Variants in PROM2 observed in about 807,000 individuals in gnomAD.
PROM2 encodes the protein prominin-2.
A neutral mutation model predicts 110.2 loss-of-function variants in PROM2; 90 were observed. That is an observed-to-expected ratio of 0.82 (90% CI 0.69 to 0.97). The LOEUF (loss-of-function observed/expected upper bound fraction) is 0.97. Ranked by LOEUF, PROM2 falls within the 50% of genes least tolerant of loss-of-function variation. PROM2 has a pLI of 0.00. For synonymous variants in PROM2, 470 were observed against 467.8 expected, an observed-to-expected ratio of 1.00 and a Z score of -0.06; for missense variants, 1,009 against 1,074.8, an observed-to-expected ratio of 0.94 and a Z score of 0.86.
rs888948368 is a variant in PROM2 at position 95,277,530 on chromosome 2, G to A, written c.939G>A (p.Trp313Ter). 5.6e-6 allele frequency: 9 copies of A among 1,599,746 alleles called. No individual in the cohort carries two copies. Among genetic ancestry groups the A allele is most frequent in the Non-Finnish European group, 7.7e-6 (9 of 1,173,378 alleles). The change falls in exon 7 of 24, where the codon TGG becomes TGA. Residue 313 changes from tryptophan to a stop codon, truncating the protein, a stop_gained. Coordinates refer to ENST00000317620, the MANE Select transcript of PROM2 (RefSeq NM_001165978.3). LOFTEE classifies it high-confidence loss of function. ...CQGDCAGALS[W>*]ARTLELGADF... is the part of the protein sequence containing the mutation. The stretch of plus-strand genomic sequence containing the variant: ...GAGATTGTGCAGGGGCCCTGAGCTG[G>A]GCCCGCACCCTGGAGCTGGGTGCTG...
Position 95,274,755 on chromosome 2 carries a change from C to G in PROM2, c.170C>G (p.Pro57Arg), listed in dbSNP as rs1473172248. The G allele has an allele frequency of 5.6e-6, 9 of 1,611,778 alleles. No individual in the cohort carries two copies. The highest frequency in any genetic ancestry group is 6.8e-6 in the Non-Finnish European group (8 of 1,179,852). Residue 57 changes from proline to arginine, a missense_variant, in exon 1 of 24, where the codon CCA (proline) becomes CGA (arginine). Transcript: ENST00000317620. ...TGGCTGGCCCCTCGAGTTCGTGCGC[C>G]AGGACTCCTGGACTCCCTCTATGGC... is the stretch of plus-strand genomic sequence containing the variant. ...ARWLAPRVRA[P>R]GLLDSLYGTV...
At chr2:95,280,190 G>A (rs1277852438) in intron 11 of PROM2, among the ~76,000 whole-genome samples, 193 bp downstream of exon 11, 1 of 152,098 alleles carries the variant, frequency 6.6e-6, no homozygotes, top group Non-Finnish European at 1.5e-5. Flanking sequence ...CACCTAATGG[G>A]CACTCCTTAC....
chr2:95,276,236 G>A lies in PROM2; in HGVS notation c.507G>A (p.Val169=). ...CCCTCCATTCCCACAGGATTGGTGTGGTCTGTGCCTTTGTCACCAACCAGC... is the reference window on the plus strand; with the variant it reads ...CCCTCCATTCCCACAGGATTGGTGTAGTCTGTGCCTTTGTCACCAACCAGC... ...LLTTLLLLIG[V]VCAFVTNQRT... Residue 169 remains valine (V), a synonymous_variant, in exon 4 of 24, where the codon GTG becomes GTA. Coordinates refer to ENST00000317620, the MANE Select transcript of PROM2 (RefSeq NM_001165978.3). This position sits in a 1 kb window ranked among gnomAD's most constrained non-coding sequence, Gnocchi z 4.6. The A allele has an allele frequency of 1.2e-6, 2 of 1,614,002 alleles. No individual in the cohort carries two copies. The highest frequency in any genetic ancestry group is 3.3e-5 in the Admixed American group (2 of 60,032).
intron 12 of PROM2, among the ~76,000 whole-genome samples, chr2:95,281,580 C>G (rs1677048564): frequency 6.6e-6 from 1 of 152,082 alleles, no homozygotes; most frequent in Non-Finnish European, 1.5e-5. Context: ...TGCCCAGGCC[C>G]CAGGGCAGGG....
intron 8 of PROM2, 143 bp from the exon 9 acceptor site, chr2:95,278,578 G>A: frequency 1.1e-6 from 1 of 909,550 alleles, no homozygotes; most frequent in South Asian, 1.4e-5. Flanking sequence ...CAGGGGATGG[G>A]AGAGGAGGGC....
rs1447707447 is a variant in PROM2 at position 95,288,205 on chromosome 2, C to T, written c.2245-6C>T. 2 of 1,613,278 alleles carry T rather than the reference C, an allele frequency of 1.2e-6. No homozygotes were observed. Among genetic ancestry groups the T allele is most frequent in the South Asian group, 2.2e-5 (2 of 91,080 alleles). On this transcript the variant is annotated splice_region_variant and splice_polypyrimidine_tract_variant and intron_variant, in intron 20 of 23. Coordinates refer to ENST00000317620, the MANE Select transcript of PROM2 (RefSeq NM_001165978.3). ...CTGCATCACCTGCCTCATGTTGGCG[C>T]CACAGGTGACTCAGCGCATTGCCAC...
rs1315998114 is a variant in PROM2, at chr2:95,276,293, G to C, written c.564G>C (p.Glu188Asp). The change falls in exon 4 of 24, where the codon GAG becomes GAC. Residue 188 changes from glutamate (E) to aspartate (D), a missense_variant. Glu to Asp is a conservative substitution (Grantham distance 45, BLOSUM62 2). Transcript: ENST00000317620. The surrounding 1 kb of genome is among the most constrained non-coding windows in gnomAD (Gnocchi z 4.6). ...ATGAACAGATGGGCCCCAGCATCGA[G>C]GCCATGCCTGAGACCCTGCTCAGCC... ...RTHEQMGPSI[E>D]AMPETLLSLW... 3.7e-6 allele frequency: 6 copies of C among 1,613,772 alleles called. No individual in the cohort carries two copies. Among genetic ancestry groups the C allele is most frequent in the African/African-American group, 1.3e-5 (1 of 74,944 alleles).
Position 95,275,043 on chromosome 2 carries a change from A to G in PROM2, c.244+214A>G. The G allele has an allele frequency of 3.7e-6, 2 of 544,502 alleles. No homozygotes were observed. Among genetic ancestry groups the G allele is most frequent in the Non-Finnish European group, 6.2e-6 (2 of 322,776 alleles). The allele number at this position is 544,502 out of a possible 1,614,324, so 33.7% of individuals were successfully genotyped here. A position where few individuals can be genotyped will look rare whatever the true frequency, so the allele number is the denominator to read the frequency against. On this transcript the variant is annotated intron_variant, in intron 1 of 23. Transcript: ENST00000317620. This position sits in a 1 kb window ranked among gnomAD's most constrained non-coding sequence, Gnocchi z 4.4. ...TCTGAGCCTCAGGTGCTCTGTCTGTAAAGTGAGGAGGTTACATTGGAAATA... is the reference window on the plus strand; with the variant it reads ...TCTGAGCCTCAGGTGCTCTGTCTGTGAAGTGAGGAGGTTACATTGGAAATA...
chr2:95,278,932 C>A, intron 9 of PROM2, 53 bp from the exon 10 acceptor site: 2 of 1,599,104 alleles, frequency 1.3e-6, no homozygotes, highest in South Asian at 2.2e-5. Context: ...TTGTCTTGTT[C>A]CTGGGCCCCA....
chr2:95,286,917 G>T, intron 18 of PROM2, 60 bp downstream of exon 18: 1 of 1,562,822 alleles, frequency 6.4e-7, no homozygotes, highest in Non-Finnish European at 8.8e-7. Flanking sequence ...CGGGGAGGAA[G>T]TAGGAGCCCA....
chr2:95,280,900 G>A (rs1015597284), intron 11 of PROM2, among the ~76,000 whole-genome samples: 75 of 152,058 alleles, frequency 4.9e-4, no homozygotes, highest in Non-Finnish European at 2.5e-4. Flanking sequence ...ACCTCAACCT[G>A]TCCTCCCACC....
At position 95,274,480 on chromosome 2, in the gene PROM2, G is replaced by C. The variant is rs1676526598; in HGVS notation, c.-106G>C. 1.4e-6 allele frequency: 2 copies of C among 1,409,554 alleles called. No individual in the cohort carries two copies. Among genetic ancestry groups the C allele is most frequent in the Middle Eastern group, 2.7e-4 (1 of 3,678 alleles). 87.3% of individuals were successfully genotyped at this position (1,409,554 alleles called of 1,614,324 possible). ...TCAGGAACCCAAACCTGTCGGGCAG[G>C]TTTTGAGAGCTGTGGAGAGAGGGAC... On this transcript the variant is annotated 5_prime_UTR_variant, in exon 1 of 24. Coordinates refer to ENST00000317620, the MANE Select transcript of PROM2 (RefSeq NM_001165978.3).
At chr2:95,284,772 G>T (rs1310164673) in intron 14 of PROM2, among the ~76,000 whole-genome samples, 197 bp from the exon 15 acceptor site, 1 of 152,202 alleles carries the variant, frequency 6.6e-6, no homozygotes, top group Admixed American at 6.5e-5. Flanking sequence ...CATACGTGAG[G>T]GATCCGCCCC....
chr2:95,282,310 CTT>C (rs1442993136), intron 14 of PROM2, 84 bp downstream of exon 14: 3 of 1,143,978 alleles, frequency 2.6e-6, no homozygotes, highest in Admixed American at 4.0e-5. Flanking sequence ...GGCACCGTCT[CTT>C]TGAACCTAGG....
intron 7 of PROM2, 98 bp downstream of exon 7, chr2:95,277,664 C>T: frequency 8.1e-7 from 1 of 1,239,094 alleles, no homozygotes; most frequent in Non-Finnish European, 1.1e-6. Context: ...CCCCAATGTT[C>T]CTCCCTTGCT....
rs202069218 is a variant in PROM2 at position 95,278,774 on chromosome 2, C to T, written c.1104C>T (p.Ser368=). The T allele has an allele frequency of 6.1e-5, 98 of 1,613,936 alleles. No homozygotes were observed. Among genetic ancestry groups the T allele is most frequent in the Non-Finnish European group, 7.5e-5 (89 of 1,180,030 alleles). ...LPALAAMQTS[S]VVQELKKAVA... ...CCCTGGCTGCCATGCAGACATCCAG[C>T]GTGGTGCAAGGTTAGGCCACACGGG... is the stretch of plus-strand genomic sequence containing the variant. The change falls in exon 9 of 24, where the codon AGC becomes AGT. Residue 368 remains serine, a synonymous_variant. Transcript: ENST00000317620.
chr2:95,287,697 C>T (rs1677453824), intron 20 of PROM2, among the ~76,000 whole-genome samples: 1 of 152,206 alleles, frequency 6.6e-6, no homozygotes, highest in African/African-American at 2.4e-5. Flanking sequence ...TGGCGTTCTC[C>T]AAAATGTTTC....
Position 95,290,513 on chromosome 2 carries a change from G to T in PROM2, c.*1300G>T, listed in dbSNP as rs1677632594. ...CTGCTGTCAGGAGCAGGCAGACCTGGACTCACAGCCTGGCTGTGATGCTTG... is the reference window on the plus strand; with the variant it reads ...CTGCTGTCAGGAGCAGGCAGACCTGTACTCACAGCCTGGCTGTGATGCTTG... On this transcript the variant is annotated 3_prime_UTR_variant, in exon 24 of 24. Coordinates refer to ENST00000317620, the MANE Select transcript of PROM2 (RefSeq NM_001165978.3). 1 of 152,202 alleles carries T rather than the reference G, an allele frequency of 6.6e-6. No individual in the cohort carries two copies. Among genetic ancestry groups the T allele is most frequent in the Non-Finnish European group, 1.5e-5 (1 of 68,034 alleles). The allele number at this position is 152,202 out of a possible 1,614,324, so 9.4% of individuals were successfully genotyped here.
intron 7 of PROM2, 123 bp from the exon 8 acceptor site, chr2:95,277,807 C>T: frequency 1.1e-6 from 1 of 872,452 alleles, no homozygotes. Context: ...AGAGCCATGG[C>T]AGTCCTCATT....
Sources: gnomAD v4.1 joint callset for allele counts (sites outside exome capture counted in the v4.1 genomes callset) on GRCh38, gnomAD v4.1.1 for gene constraint, Gnocchi (gnomAD v3.1) non-coding constraint, MANE v1.5 for transcripts, NCBI Gene and HGNC (gene_info 2026-07-23, HGNC 2026-07-21) for gene names.